LDB2: variants seen among roughly 807,000 people sequenced by gnomAD.
LDB2 encodes LIM domain binding 2, also known as LIM domain-binding protein 2.
LDB2 carries 12 observed loss-of-function variants against 44.3 expected under a neutral mutation model. The ratio of observed to expected loss-of-function variants is 0.27; its 90% CI spans 0.17 to 0.44. The LOEUF (loss-of-function observed/expected upper bound fraction) is 0.44, where lower values mean the gene tolerates loss of function less well. Ranked by LOEUF, LDB2 falls within the 20% of genes least tolerant of loss-of-function variation. The pLI, the probability that LDB2 is intolerant of heterozygous loss-of-function variation, is 1.00. For synonymous variants in LDB2, 164 were observed against 174.8 expected (o/e 0.94, Z 0.49); for missense variants, 344 against 473.5 (o/e 0.73, Z 2.54).
rs60133554 is a variant in LDB2 at position 16,773,998 on chromosome 4, C to CAAAAAAAA, written c.133-14746_133-14739dup. Among the ~76,000 whole-genome samples the CAAAAAAAA allele has an allele frequency of 2.3e-5, 3 of 128,366 alleles. 1 individual carries two copies. Among genetic ancestry groups the CAAAAAAAA allele is most frequent in the Non-Finnish European group, 3.2e-5 (2 of 61,762 alleles). The allele number at this position is 128,366 out of a possible 152,430, so 84.2% of individuals were successfully genotyped here. A position where few individuals can be genotyped will look rare whatever the true frequency, so the allele number is the denominator to read the frequency against. Reference sequence around the variant, plus strand: ...TGAAACCCCATCTCTACTAAAAATACAAAAAAAATAGCTGGGCGTGCTGGC... The same window carrying CAAAAAAAA: ...TGAAACCCCATCTCTACTAAAAATACAAAAAAAAAAAAAAAATAGCTGGGCGTGCTGGC... On this transcript the variant is annotated intron_variant, in intron 1 of 7. Transcript: ENST00000304523.
At chr4:16,832,007 T>C (rs1184925347) in intron 1 of LDB2, among the ~76,000 whole-genome samples, 2 of 152,230 alleles carry the variant, frequency 1.3e-5, no homozygotes, top group Non-Finnish European at 2.9e-5. Flanking sequence ...CTGGTGCATC[T>C]ATAAAAGCCC....
At chr4:16,796,126 T>C (rs1327426166) in intron 1 of LDB2, among the ~76,000 whole-genome samples, 3 of 151,636 alleles carry the variant, frequency 2.0e-5, no homozygotes, top group African/African-American at 7.3e-5. Context: ...ATCCCATCTC[T>C]ACAAAAAAAA....
Position 16,502,733 on chromosome 4 carries a change from G to C in LDB2, c.1032C>G (p.Pro344=). The stretch of plus-strand genomic sequence containing the variant: ...TCCACGGGCTGTTGTTCCCCAGCGC[G>C]GGTGAATTGTTGAAGTCCTCCTCGT... ...MDDEEDFNNS[P]ALGNNSPWNS... is the part of the protein sequence containing the mutation. Residue 344 remains proline (P), a synonymous_variant, in exon 8 of 8, where the codon CCC becomes CCG. Coordinates refer to ENST00000304523, the MANE Select transcript of LDB2 (RefSeq NM_001290.5). 6.2e-7 allele frequency: 1 copy of C among 1,613,942 alleles called. No homozygotes were observed. The highest frequency in any genetic ancestry group is 8.5e-7 in the Non-Finnish European group (1 of 1,179,966).
At chr4:16,725,576 TG>T (rs1434433408) in intron 2 of LDB2, among the ~76,000 whole-genome samples, 1 of 152,164 alleles carries the variant, frequency 6.6e-6, no homozygotes, top group African/African-American at 2.4e-5. Flanking sequence ...CCTCAATCTT[TG>T]TTCCCACTTT....
intron 2 of LDB2, among the ~76,000 whole-genome samples, chr4:16,607,248 T>C (rs1299893185): frequency 1.3e-5 from 2 of 152,224 alleles, no homozygotes; most frequent in Non-Finnish European, 2.9e-5. Flanking sequence ...AGTGCTGCCA[T>C]GCACTTGCAT....
chr4:16,666,142 A>C (rs1160209289), intron 2 of LDB2, among the ~76,000 whole-genome samples: 2 of 152,206 alleles, frequency 1.3e-5, no homozygotes, highest in Non-Finnish European at 2.9e-5. Context: ...GCGACATGAA[A>C]CAGAAACTAC....
intron 2 of LDB2, among the ~76,000 whole-genome samples, chr4:16,597,973 G>A (rs546865672): frequency 2.0e-5 from 3 of 152,298 alleles, no homozygotes; most frequent in African/African-American, 7.2e-5. Context: ...CATGGATACT[G>A]GAGGTTTGTT....
At chr4:16,745,633 A>T (rs1764240806) in intron 2 of LDB2, among the ~76,000 whole-genome samples, 1 of 152,306 alleles carries the variant, frequency 6.6e-6, no homozygotes, top group South Asian at 2.1e-4. Flanking sequence ...GGAGGACCCC[A>T]TACTGCGTTA....
chr4:16,734,555 C>T (rs188861963), intron 2 of LDB2, among the ~76,000 whole-genome samples: 7 of 152,228 alleles, frequency 4.6e-5, no homozygotes, highest in Non-Finnish European at 7.4e-5. Flanking sequence ...CACCTTCCCC[C>T]ATTTCCCTTC....
At chr4:16,646,920 C>T (rs1736957622) in intron 2 of LDB2, among the ~76,000 whole-genome samples, 1 of 152,182 alleles carries the variant, frequency 6.6e-6, no homozygotes, top group Non-Finnish European at 1.5e-5. Context: ...GTTGAACACA[C>T]ACTTACCATA....
intron 1 of LDB2, chr4:16,826,601 C>A (rs954162795): frequency 6.6e-6 from 1 of 152,176 alleles, no homozygotes; most frequent in Admixed American, 6.5e-5. Context: ...GAGCCAGGCT[C>A]CTCCCGCAAA....
At chr4:16,735,136 G>A (rs1761624862) in intron 2 of LDB2, among the ~76,000 whole-genome samples, 1 of 152,170 alleles carries the variant, frequency 6.6e-6, no homozygotes, top group Admixed American at 6.5e-5. Flanking sequence ...GATGTACGTA[G>A]TGGGGACATC....
At chr4:16,779,738 C>CTG (rs929635751) in intron 1 of LDB2, among the ~76,000 whole-genome samples, 37 of 152,230 alleles carry the variant, frequency 2.4e-4, no homozygotes, top group Non-Finnish European at 2.2e-4. Flanking sequence ...TCCCCATGGT[C>CTG]AGTTCAGTTG....
chr4:16,734,516 T>G (rs375072499), intron 2 of LDB2, among the ~76,000 whole-genome samples: 63 of 152,244 alleles, frequency 4.1e-4, no homozygotes, highest in African/African-American at 1.4e-3. Context: ...CAAACATAGT[T>G]GCACTGCTGA....
At chr4:16,502,918 A>G (rs1717889301) in intron 7 of LDB2, 45 bp from the exon 8 acceptor site, 1 of 1,608,380 alleles carries the variant, frequency 6.2e-7, no homozygotes, top group Non-Finnish European at 8.5e-7. Context: ...CTTGGGAGAG[A>G]GAAGCTCAGC....
chr4:16,785,697 C>A (rs1227592848), intron 1 of LDB2, among the ~76,000 whole-genome samples: 1 of 152,260 alleles, frequency 6.6e-6, no homozygotes, highest in South Asian at 2.1e-4. Flanking sequence ...GGCTGGCTGG[C>A]AGGCTCACAC....
intron 1 of LDB2, 84 bp from the exon 2 acceptor site, chr4:16,759,344 C>G: frequency 1.0e-6 from 1 of 996,104 alleles, no homozygotes; most frequent in East Asian, 2.4e-5. Context: ...GAAAGAAAAA[C>G]TCAGCTGCTC....
chr4:16,742,575 G>A (rs1763528016), intron 2 of LDB2, among the ~76,000 whole-genome samples: 2 of 152,110 alleles, frequency 1.3e-5, no homozygotes, highest in Admixed American at 1.3e-4. Flanking sequence ...CTTTTTCAAG[G>A]TCCTGAAGGG....
intron 2 of LDB2, among the ~76,000 whole-genome samples, chr4:16,622,763 G>A (rs1321066773): frequency 2.0e-5 from 3 of 152,200 alleles, no homozygotes; most frequent in Non-Finnish European, 4.4e-5. Flanking sequence ...CTAGCGTAGA[G>A]TGAAAGCATT....
Sources: allele counts gnomAD v4.1 joint callset (sites outside exome capture counted in the v4.1 genomes callset), GRCh38; gene constraint gnomAD v4.1.1; transcripts MANE v1.5; gene names NCBI Gene and HGNC (gene_info 2026-07-23, HGNC 2026-07-21).